Variants in ZMAT3 observed in about 807,000 individuals in gnomAD.
The protein encoded by ZMAT3 is zinc finger matrin-type protein 3.
A neutral mutation model predicts 32.3 loss-of-function variants in ZMAT3; 17 were observed. The ratio of observed to expected loss-of-function variants is 0.53; its 90% CI spans 0.36 to 0.79. The LOEUF is 0.79. Ranked by LOEUF, ZMAT3 falls within the 30% of genes least tolerant of loss-of-function variation. ZMAT3 has a pLI of 0.00. For missense variants in ZMAT3, 329 were observed against 359.7 expected (o/e 0.91, Z 0.69); for synonymous variants, 120 against 133.1 (o/e 0.90, Z 0.68).
At position 179,020,905 on chromosome 3, in the gene ZMAT3, G is replaced by GTAGC. The variant is rs1423664280; in HGVS notation, c.*4108_*4111dup. 6.6e-6 allele frequency: 1 copy of GTAGC among 152,192 alleles called. No individual in the cohort carries two copies. The highest frequency in any genetic ancestry group is 1.9e-4 in the East Asian group (1 of 5,194). 9.4% of individuals were successfully genotyped at this position (152,192 alleles called of 1,614,324 possible). On this transcript the variant is annotated 3_prime_UTR_variant, in exon 6 of 6. Coordinates refer to ENST00000311417, the MANE Select transcript of ZMAT3 (RefSeq NM_022470.4). ...TTCTCCCTGTTCAAACTGTAGATAGGTAGCTATAAGCAAGCATATAGTTCT... is the reference window on the plus strand; with the variant it reads ...TTCTCCCTGTTCAAACTGTAGATAGGTAGCTAGCTATAAGCAAGCATATAGTTCT...
chr3:179,070,900 A>G (rs568549360), intron 1 of ZMAT3, among the ~76,000 whole-genome samples: 18 of 152,316 alleles, frequency 1.2e-4, no homozygotes, highest in African/African-American at 4.3e-4. Context: ...GTTAAAGACA[A>G]TCTCTTGTCT....
In ZMAT3 at chr3:179,019,246, AG is replaced by A. The variant is rs1718421743; in HGVS notation, c.*5770del. 1 of 152,040 alleles carries A rather than the reference AG, an allele frequency of 6.6e-6. No homozygotes were observed. Among genetic ancestry groups the A allele is most frequent in the African/African-American group, 2.4e-5 (1 of 41,424 alleles). 9.4% of individuals were successfully genotyped at this position (152,040 alleles called of 1,614,324 possible). The stretch of plus-strand genomic sequence containing the variant: ...TCCCTCACCCTAAGTACACACAAAA[AG>A]AGAAACTGGAAGACAAAAGTCCACA... On this transcript the variant is annotated 3_prime_UTR_variant, in exon 6 of 6. Transcript: ENST00000311417.
chr3:179,058,617 G>A (rs1720981074), intron 2 of ZMAT3, among the ~76,000 whole-genome samples: 1 of 151,690 alleles, frequency 6.6e-6, no homozygotes, highest in African/African-American at 2.4e-5. Flanking sequence ...TTAGCCGGGG[G>A]TAGTGGCGGG....
intron 2 of ZMAT3, among the ~76,000 whole-genome samples, chr3:179,049,569 T>C (rs1344794468): frequency 2.6e-5 from 4 of 152,168 alleles, no homozygotes; most frequent in South Asian, 2.1e-4. Context: ...TGAATGATTG[T>C]TGGGTCAACA....
intron 2 of ZMAT3, among the ~76,000 whole-genome samples, chr3:179,039,414 G>A (rs1376665405): frequency 6.6e-6 from 1 of 152,232 alleles, no homozygotes. Context: ...CTGTTCTGCA[G>A]CCTCCGCTGG....
At chr3:179,025,555 G>A (rs1718822719) in intron 5 of ZMAT3, among the ~76,000 whole-genome samples, 1 of 152,116 alleles carries the variant, frequency 6.6e-6, no homozygotes, top group African/African-American at 2.4e-5. Flanking sequence ...TTATGCTTAT[G>A]CTAACCCTTT....
chr3:179,068,796 A>G (rs1392146572), intron 1 of ZMAT3, among the ~76,000 whole-genome samples: 1 of 152,220 alleles, frequency 6.6e-6, no homozygotes, highest in East Asian at 1.9e-4. Flanking sequence ...TGTTTGGAAT[A>G]TACAGTTTTG....
intron 5 of ZMAT3, among the ~76,000 whole-genome samples, chr3:179,026,127 A>C (rs1247579790): frequency 6.6e-6 from 1 of 152,104 alleles, no homozygotes; most frequent in Admixed American, 6.5e-5. Flanking sequence ...AAGTGTTTTT[A>C]AATTGGAAAA....
At position 179,021,993 on chromosome 3, in the gene ZMAT3, T is replaced by C. The variant is rs1032509011; in HGVS notation, c.*3024A>G. ...AGTTATTTATCAACTTCCCAGAGTT[T>C]GGAATTTAAGGAGCAAACTGAGTTA... is the stretch of plus-strand genomic sequence containing the variant. On this transcript the variant is annotated 3_prime_UTR_variant, in exon 6 of 6. Coordinates refer to ENST00000311417, the MANE Select transcript of ZMAT3 (RefSeq NM_022470.4). 6.6e-6 allele frequency: 1 copy of C among 152,236 alleles called. No individual in the cohort carries two copies. The highest frequency in any genetic ancestry group is 1.5e-5 in the Non-Finnish European group (1 of 68,042). 9.4% of individuals were successfully genotyped at this position (152,236 alleles called of 1,614,324 possible).
At chr3:179,061,580 C>T (rs950356064) in intron 2 of ZMAT3, among the ~76,000 whole-genome samples, 3 of 151,528 alleles carry the variant, frequency 2.0e-5, no homozygotes, top group African/African-American at 7.3e-5. Context: ...ATTCTTCTCT[C>T]TAGTTTTTTT....
chr3:179,047,650 C>A (rs1189230694), intron 2 of ZMAT3, among the ~76,000 whole-genome samples: 1 of 150,992 alleles, frequency 6.6e-6, no homozygotes, highest in African/African-American at 2.4e-5. Context: ...GTCAGGAGTT[C>A]AAGACCAGCC....
chr3:179,033,005 G>A (rs535099407), intron 2 of ZMAT3, among the ~76,000 whole-genome samples: 2 of 152,258 alleles, frequency 1.3e-5, no homozygotes, highest in Admixed American at 1.3e-4. Flanking sequence ...AGCTCATTGA[G>A]AACGGGCCAC....
intron 2 of ZMAT3, among the ~76,000 whole-genome samples, chr3:179,050,791 C>G (rs1486096580): frequency 6.6e-6 from 1 of 152,124 alleles, no homozygotes; most frequent in African/African-American, 2.4e-5. Context: ...GGGTTTCACA[C>G]CAGGGATTTA....
At chr3:179,052,680 C>T (rs1560094885) in intron 2 of ZMAT3, among the ~76,000 whole-genome samples, 1 of 152,022 alleles carries the variant, frequency 6.6e-6, no homozygotes, top group Non-Finnish European at 1.5e-5. Context: ...AGTCATTACA[C>T]GAAAAAGATA....
At chr3:179,030,415 T>C (rs1222464134) in intron 3 of ZMAT3, among the ~76,000 whole-genome samples, 1 of 147,720 alleles carries the variant, frequency 6.8e-6, no homozygotes, top group Non-Finnish European at 1.5e-5. Flanking sequence ...AGTGCAGTGG[T>C]GCAATCTCAG....
intron 2 of ZMAT3, among the ~76,000 whole-genome samples, chr3:179,047,670 T>C (rs909643977): frequency 7.4e-5 from 11 of 149,654 alleles, no homozygotes; most frequent in African/African-American, 2.7e-4. Context: ...CTGACCAACA[T>C]GGTGAAACCC....
At chr3:179,031,158 C>G (rs1002884969) in intron 2 of ZMAT3, among the ~76,000 whole-genome samples, 159 bp from the exon 3 acceptor site, 1 of 151,260 alleles carries the variant, frequency 6.6e-6, no homozygotes, top group African/African-American at 2.4e-5. Context: ...TATAATTGTT[C>G]TTTTTTCTAA....
chr3:179,025,137 C>T lies in ZMAT3; in HGVS notation c.750G>A (p.Met250Ile), dbSNP rs1302317865. 3 of 1,614,234 alleles carry T rather than the reference C, an allele frequency of 1.9e-6. No homozygotes were observed. The highest frequency in any genetic ancestry group is 2.2e-5 in the East Asian group (1 of 44,892). ...VTPSGQFYCS[M>I]CNVGAGEEME... is the part of the protein sequence containing the mutation. The stretch of plus-strand genomic sequence containing the variant: ...TCTCTTCGCCAGCTCCAACATTACA[C>T]ATTGAGCAGTAAAACTGGCCACTTG... The change falls in exon 6 of 6, where the codon ATG (methionine) becomes ATA (isoleucine). Residue 250 changes from methionine to isoleucine, a missense_variant. Coordinates refer to ENST00000311417, the MANE Select transcript of ZMAT3 (RefSeq NM_022470.4).
At position 179,027,574 on chromosome 3, in the gene ZMAT3, T is replaced by G. The variant is rs1718940646; in HGVS notation, c.558-51A>C. 3.1e-6 allele frequency: 5 copies of G among 1,613,702 alleles called. No individual in the cohort carries two copies. In the East Asian group the frequency reaches 1.1e-4, roughly 36 times the overall value. ...GTGAGTCTTCTAAACAAGAATCCCTTTCTACTCTTTTTCTTTAAAGACAGT... is the reference window on the plus strand; with the variant it reads ...GTGAGTCTTCTAAACAAGAATCCCTGTCTACTCTTTTTCTTTAAAGACAGT... On this transcript the variant is annotated intron_variant, in intron 4 of 5. Transcript: ENST00000311417.
Sources: allele counts gnomAD v4.1 joint callset (sites outside exome capture counted in the v4.1 genomes callset), GRCh38; gene constraint gnomAD v4.1.1; transcripts MANE v1.5; gene names NCBI Gene and HGNC (gene_info 2026-07-23, HGNC 2026-07-21).